Variants in ELMO1 observed in about 807,000 individuals in gnomAD.
ELMO1 encodes the protein engulfment and cell motility 1, also known as engulfment and cell motility protein 1.
A neutral mutation model predicts 98.9 loss-of-function variants in ELMO1; 26 were observed. That is an observed-to-expected ratio of 0.26 (90% confidence interval 0.19 to 0.36). ELMO1 has a LOEUF of 0.36. Among genes scored for constraint, ELMO1 ranks in the 10% least tolerant of loss-of-function variants. ELMO1 has a pLI of 1.00. For synonymous variants in ELMO1, 346 were observed against 346.0 expected, an observed-to-expected ratio of 1.00 and a Z score of 0.00; for missense variants, 627 against 935.2, an observed-to-expected ratio of 0.67 and a Z score of 4.30.
chr7:37,015,133 T>C (rs957021204), intron 15 of ELMO1, among the ~76,000 whole-genome samples: 1 of 151,988 alleles, frequency 6.6e-6, no homozygotes, highest in African/African-American at 2.4e-5. Flanking sequence ...TTTGAAGATA[T>C]GGTAATGCTG....
intron 14 of ELMO1, among the ~76,000 whole-genome samples, chr7:37,111,603 T>C (rs149552224): frequency 1.3e-5 from 2 of 152,360 alleles, no homozygotes; most frequent in African/African-American, 4.8e-5. Context: ...AAGTCCCCAT[T>C]TGCAACTTAC....
At chr7:37,101,016 T>C (rs1784609276) in intron 14 of ELMO1, among the ~76,000 whole-genome samples, 1 of 152,256 alleles carries the variant, frequency 6.6e-6, no homozygotes, top group African/African-American at 2.4e-5. Context: ...CGTGTTTTTA[T>C]CTCTTTATTG....
intron 8 of ELMO1, 120 bp downstream of exon 8, chr7:37,232,975 T>C (rs913115515): frequency 8.5e-5 from 73 of 854,436 alleles, no homozygotes; most frequent in Non-Finnish European, 1.1e-4. Flanking sequence ...TAAAAAATCA[T>C]ACCCATCTTT....
rs1485909974 is a variant in ELMO1, at chr7:37,342,658, G to A, written c.33C>T (p.Ala11=). 3 of 1,612,416 alleles carry A rather than the reference G, an allele frequency of 1.9e-6. No individual in the cohort carries two copies. The highest frequency in any genetic ancestry group is 2.7e-5 in the African/African-American group (2 of 74,764). Residue 11 remains alanine, a synonymous_variant, in exon 2 of 22, where the codon GCC becomes GCT. Transcript: ENST00000310758. The surrounding 1 kb of genome is among the most constrained non-coding windows in gnomAD (Gnocchi z 4.3). MPPPADIVKV[A]IEWPGAYPKL... ...TGGGGTAGGCGCCCGGCCATTCTAT[G>A]GCCACCTTGACGATGTCCGCGGGTG...
chr7:37,164,434 A>T (rs1584746598), intron 13 of ELMO1, among the ~76,000 whole-genome samples: 1 of 152,118 alleles, frequency 6.6e-6, no homozygotes, highest in East Asian at 1.9e-4. Context: ...CTGAATAGTA[A>T]TGCCTAGGTT....
chr7:36,921,602 T>C (rs1276636835), intron 16 of ELMO1, among the ~76,000 whole-genome samples: 1 of 152,194 alleles, frequency 6.6e-6, no homozygotes, highest in East Asian at 1.9e-4. Context: ...TTCTCTTTCT[T>C]GCACCTGGCT....
chr7:37,097,004 G>A (rs984762225), intron 14 of ELMO1, among the ~76,000 whole-genome samples: 3 of 152,172 alleles, frequency 2.0e-5, no homozygotes, highest in Non-Finnish European at 4.4e-5. Context: ...TTTTGGAATA[G>A]TACAATAAAG....
At chr7:36,888,324 T>C (rs996936941) in intron 17 of ELMO1, among the ~76,000 whole-genome samples, 2 of 152,218 alleles carry the variant, frequency 1.3e-5, no homozygotes, top group Non-Finnish European at 2.9e-5. Flanking sequence ...GATATCATGA[T>C]AGAGTGAAAT....
chr7:37,319,964 T>C (rs899620498), intron 2 of ELMO1, among the ~76,000 whole-genome samples: 1 of 152,012 alleles, frequency 6.6e-6, no homozygotes. Context: ...CCAATAAAAG[T>C]GTAAGTCCCA....
intron 14 of ELMO1, among the ~76,000 whole-genome samples, chr7:37,107,401 C>A (rs931771290): frequency 3.3e-5 from 5 of 152,176 alleles, no homozygotes; most frequent in African/African-American, 1.2e-4. Flanking sequence ...TCTCCTAAGG[C>A]ATCTTTTTAA....
intron 16 of ELMO1, among the ~76,000 whole-genome samples, chr7:36,958,560 T>G (rs12536168): frequency 0.25 from 38,126 of 152,074 alleles, 6,357 homozygotes; most frequent in African/African-American, 0.47. Context: ...CGGTGAATCA[T>G]AGCTGAATCT....
chr7:37,385,799 C>A (rs1171013879), intron 1 of ELMO1, among the ~76,000 whole-genome samples: 2 of 152,218 alleles, frequency 1.3e-5, no homozygotes, highest in Non-Finnish European at 2.9e-5. Flanking sequence ...TACGAAGGGG[C>A]GGCCAATCTG....
At chr7:37,300,764 C>T (rs571364653) in intron 4 of ELMO1, among the ~76,000 whole-genome samples, 1 of 149,570 alleles carries the variant, frequency 6.7e-6, no homozygotes, top group South Asian at 2.1e-4. Context: ...GCTTTGGTAT[C>T]AGAATGATGC....
At chr7:37,432,994 T>C (rs1692178682) in intron 1 of ELMO1, among the ~76,000 whole-genome samples, 1 of 152,158 alleles carries the variant, frequency 6.6e-6, no homozygotes, top group Admixed American at 6.5e-5. Flanking sequence ...CTAGAGTGGA[T>C]TTTGGCACAG....
At chr7:37,299,296 G>C (rs1051116005) in intron 4 of ELMO1, among the ~76,000 whole-genome samples, 1 of 151,856 alleles carries the variant, frequency 6.6e-6, no homozygotes, top group Non-Finnish European at 1.5e-5. Flanking sequence ...CTGTGCAGAA[G>C]CTCTTTAGTT....
rs746355764 is a variant in ELMO1 at position 37,182,343 on chromosome 7, C to CTT, written c.1086+29041_1086+29042dup. On this transcript the variant is annotated intron_variant, in intron 13 of 21. Transcript: ENST00000310758. ...CACAATCCCACCCCATTCACTTGCA[C>CTT]TTAAATGTGCTCTTGAGGCAGGGAG... 9.0e-4 allele frequency among the ~76,000 whole-genome samples: 137 copies of CTT among 152,118 alleles called. 1 individual carries two copies. The highest frequency in any genetic ancestry group is 2.9e-4 in the Non-Finnish European group (20 of 68,044).
At chr7:36,865,601 A>T (rs546841325) in intron 20 of ELMO1, among the ~76,000 whole-genome samples, 2 of 152,312 alleles carry the variant, frequency 1.3e-5, no homozygotes, top group South Asian at 4.1e-4. Context: ...GCCTTTTCAG[A>T]CTTTTTCCTC....
chr7:37,069,782 T>C (rs942415880), intron 15 of ELMO1, among the ~76,000 whole-genome samples: 5 of 152,186 alleles, frequency 3.3e-5, no homozygotes, highest in African/African-American at 1.2e-4. Flanking sequence ...AAATTAAGAA[T>C]TGGAAGAATT....
intron 16 of ELMO1, among the ~76,000 whole-genome samples, chr7:37,010,811 T>C (rs139164533): frequency 7.8e-4 from 119 of 152,290 alleles, no homozygotes; most frequent in African/African-American, 2.7e-3. Flanking sequence ...ATGACAAAAA[T>C]GTAAATACCT....
Sources: allele counts gnomAD v4.1 joint callset (sites outside exome capture counted in the v4.1 genomes callset), GRCh38; gene constraint gnomAD v4.1.1; non-coding constraint Gnocchi (gnomAD v3.1); transcripts MANE v1.5; gene names NCBI Gene and HGNC (gene_info 2026-07-23, HGNC 2026-07-21).